DNAH6: variants seen among roughly 807,000 people sequenced by gnomAD.
DNAH6 encodes dynein axonemal heavy chain 6, also known as axonemal beta dynein heavy chain 6.
A neutral mutation model predicts 491.4 loss-of-function variants in DNAH6; 340 were observed. The ratio of observed to expected loss-of-function variants is 0.69; its 90% confidence interval spans 0.63 to 0.76. The LOEUF (loss-of-function observed/expected upper bound fraction) is 0.76, where lower values mean the gene tolerates loss of function less well. Among genes scored for constraint, DNAH6 ranks in the 30% least tolerant of loss-of-function variants. The pLI, the probability that DNAH6 is intolerant of heterozygous loss-of-function variation, is 0.00. For missense variants in DNAH6, 4,443 were observed against 4,972.2 expected (o/e 0.89, Z 3.20); for synonymous variants, 1,603 against 1,686.1 (o/e 0.95, Z 1.21).
At chr2:84,807,899 A>G (rs1679575729) in intron 71 of DNAH6, among the ~76,000 whole-genome samples, 1 of 152,172 alleles carries the variant, frequency 6.6e-6, no homozygotes, top group Non-Finnish European at 1.5e-5. Context: ...ACAGTCAACC[A>G]GAATGAAAAT....
At chr2:84,545,540 AG>A (rs1465186660) in intron 5 of DNAH6, among the ~76,000 whole-genome samples, 3 of 152,132 alleles carry the variant, frequency 2.0e-5, no homozygotes, top group Admixed American at 2.0e-4. Flanking sequence ...TCAGTCCTCG[AG>A]GCATGTTCTC....
intron 4 of DNAH6, among the ~76,000 whole-genome samples, chr2:84,539,340 A>G (rs1474733848): frequency 6.6e-6 from 1 of 152,072 alleles, no homozygotes. Flanking sequence ...ATACATGCAC[A>G]CACATCCTGG....
At chr2:84,621,004 C>T (rs142005484) in intron 24 of DNAH6, among the ~76,000 whole-genome samples, 187 bp from the exon 25 acceptor site, 2 of 152,176 alleles carry the variant, frequency 1.3e-5, no homozygotes, top group African/African-American at 4.8e-5. Flanking sequence ...CAAGTGGAAG[C>T]AGTAAAATAA....
Position 84,703,424 on chromosome 2 carries a change from C to G in DNAH6, c.8091C>G (p.Thr2697=), listed in dbSNP as rs759703254. ...GAGATCGGGTGAAGAATGGTCTCAC[C>G]AAGCTACTAGAAACAAACATACTAG... The part of the protein sequence containing the change: ...SARDRVKNGL[T]KLLETNILVD... The change falls in exon 50 of 77, where the codon ACC becomes ACG. Residue 2697 remains threonine (T), a synonymous_variant. Coordinates refer to ENST00000389394, the MANE Select transcript of DNAH6 (RefSeq NM_001370.2). 8 of 1,542,092 alleles carry G rather than the reference C, an allele frequency of 5.2e-6. No homozygotes were observed. In the South Asian group the frequency reaches 9.7e-5, roughly 19 times the overall value.
chr2:84,513,939 T>A (rs1675431287), upstream of DNAH6, among the ~76,000 whole-genome samples: 1 of 152,206 alleles, frequency 6.6e-6, no homozygotes, highest in Admixed American at 6.5e-5. Context: ...CACTGCCAGT[T>A]TTTTCCTAGT....
chr2:84,793,319 C>G (rs1677967367), intron 68 of DNAH6, among the ~76,000 whole-genome samples: 1 of 152,186 alleles, frequency 6.6e-6, no homozygotes, highest in Non-Finnish European at 1.5e-5. Context: ...TACCCTGAGT[C>G]AAAATGACAG....
At chr2:84,491,553 C>T in the DNAH6 span, among the ~76,000 whole-genome samples, 5 of 152,154 alleles carry the variant, frequency 3.3e-5, no homozygotes, top group Non-Finnish European at 7.4e-5. Flanking sequence ...TCTGGGAGAG[C>T]TTTTACTTTT....
At chr2:84,647,684 GA>G (rs200739378) in intron 33 of DNAH6, among the ~76,000 whole-genome samples, 5,312 of 152,272 alleles carry the variant, frequency 0.035, 140 homozygotes, top group Non-Finnish European at 0.052. Flanking sequence ...TTTGCCCCAA[GA>G]GTACTCGCTG....
intron 62 of DNAH6, among the ~76,000 whole-genome samples, chr2:84,736,971 T>C (rs1018333294): frequency 2.1e-4 from 32 of 152,138 alleles, no homozygotes; most frequent in Admixed American, 2.0e-3. Context: ...GGGTTTGTCA[T>C]TGATGGCTCT....
chr2:84,632,145 G>A (rs951946322), intron 29 of DNAH6, among the ~76,000 whole-genome samples: 5 of 152,218 alleles, frequency 3.3e-5, no homozygotes, highest in African/African-American at 7.2e-5. Flanking sequence ...TAACCAGTCA[G>A]TCATTGCAAG....
chr2:84,726,768 TATA>T (rs1194271820), intron 60 of DNAH6, among the ~76,000 whole-genome samples: 1 of 146,210 alleles, frequency 6.8e-6, no homozygotes, highest in Non-Finnish European at 1.5e-5. Context: ...AAACTTAAAG[TATA>T]ATAATAATAA....
At chr2:84,765,722 A>G (rs1186786261) in intron 64 of DNAH6, among the ~76,000 whole-genome samples, 2 of 152,106 alleles carry the variant, frequency 1.3e-5, no homozygotes, top group African/African-American at 4.8e-5. Flanking sequence ...GTAGAAATTA[A>G]TGCAAATACC....
the DNAH6 span, among the ~76,000 whole-genome samples, chr2:84,473,637 A>G: frequency 6.6e-6 from 1 of 152,252 alleles, no homozygotes; most frequent in Non-Finnish European, 1.5e-5. Flanking sequence ...AGGAATGCCT[A>G]AAGTTGGATG....
At chr2:84,700,295 G>A (rs1025909272) in intron 48 of DNAH6, among the ~76,000 whole-genome samples, 6 of 152,168 alleles carry the variant, frequency 3.9e-5, no homozygotes, top group Non-Finnish European at 8.8e-5. Flanking sequence ...TGGTCAGGGT[G>A]CATCCACAGC....
At chr2:84,656,189 T>A (rs1375430309) in intron 35 of DNAH6, among the ~76,000 whole-genome samples, 5 of 152,186 alleles carry the variant, frequency 3.3e-5, no homozygotes, top group Non-Finnish European at 5.9e-5. Flanking sequence ...CCACAGTTCA[T>A]GTACCAATTC....
In DNAH6 at chr2:84,652,787, A is replaced by G. The variant is rs368271921; in HGVS notation, c.5079-532A>G. Among the ~76,000 whole-genome samples the G allele has an allele frequency of 3.3e-5, 5 of 152,184 alleles. No homozygotes were observed. The East Asian group carries it at 5.8e-4, about 18-fold the overall frequency. On this transcript the variant is annotated intron_variant, in intron 33 of 76. Transcript: ENST00000389394. ...CTCATACTAACTGTTTCCTATAGAA[A>G]TAGTCACATTTTTCCTTCCTTCTTG...
intron 64 of DNAH6, among the ~76,000 whole-genome samples, chr2:84,773,534 G>T (rs1011648830): frequency 6.6e-6 from 1 of 152,010 alleles, no homozygotes; most frequent in Non-Finnish European, 1.5e-5. Context: ...TACTGCAAGT[G>T]CATGTGTCTT....
At chr2:84,575,217 A>G (rs1682303664) in intron 12 of DNAH6, among the ~76,000 whole-genome samples, 1 of 152,200 alleles carries the variant, frequency 6.6e-6, no homozygotes, top group African/African-American at 2.4e-5. Flanking sequence ...AACATTGCTT[A>G]GCACATATTG....
At chr2:84,811,810 G>T (rs572538162) in intron 72 of DNAH6, among the ~76,000 whole-genome samples, 1 of 149,820 alleles carries the variant, frequency 6.7e-6, no homozygotes, top group Admixed American at 6.7e-5. Context: ...GCAGTGAGCC[G>T]AGATCATCCC....
Sources: allele counts gnomAD v4.1 joint callset (sites outside exome capture counted in the v4.1 genomes callset), GRCh38; gene constraint gnomAD v4.1.1; transcripts MANE v1.5; gene names NCBI Gene and HGNC (gene_info 2026-07-23, HGNC 2026-07-21).